EXOC2: variants seen among roughly 807,000 people sequenced by gnomAD.
The protein encoded by EXOC2 is exocyst complex component 2.
Under a neutral mutation model 131.8 loss-of-function variants are expected in EXOC2, and 70 were observed. That is an observed-to-expected ratio of 0.53 (90% CI 0.44 to 0.65). The LOEUF (loss-of-function observed/expected upper bound fraction) is 0.65, where lower values mean the gene tolerates loss of function less well. Ranked by LOEUF, EXOC2 falls within the 30% of genes least tolerant of loss-of-function variation. The pLI is 0.00. For synonymous variants in EXOC2, 411 were observed against 398.4 expected, an observed-to-expected ratio of 1.03 and a Z score of -0.38; for missense variants, 923 against 1,108.6, an observed-to-expected ratio of 0.83 and a Z score of 2.38.
intron 11 of EXOC2, among the ~76,000 whole-genome samples, chr6:590,775 T>C (rs1759497486): frequency 6.6e-6 from 1 of 152,190 alleles, no homozygotes; most frequent in Admixed American, 6.5e-5. Context: ...AAACATCACT[T>C]GTCAGGACTC....
rs894027312 is a variant in EXOC2, at chr6:651,681, A to G, written c.-43-13820T>C. Among the ~76,000 whole-genome samples, 16 of 148,682 alleles carry G rather than the reference A, an allele frequency of 1.1e-4. 1 individual carries two copies. The highest frequency in any genetic ancestry group is 3.9e-4 in the African/African-American group (16 of 40,966). ...AAAATAAATAAATAAATAAATAAAT[A>G]ATAAAAAAATAAAAAATAAAGTCTA... is the stretch of plus-strand genomic sequence containing the variant. On this transcript the variant is annotated intron_variant, in intron 1 of 27. Coordinates refer to ENST00000230449, the MANE Select transcript of EXOC2 (RefSeq NM_018303.6).
intron 10 of EXOC2, among the ~76,000 whole-genome samples, chr6:593,620 A>T (rs1232635801): frequency 2.0e-5 from 3 of 152,278 alleles, no homozygotes; most frequent in East Asian, 1.9e-4. Context: ...ATATAAATAT[A>T]GCAAGCTAAA....
At chr6:578,385 T>C (rs1758700698) in intron 11 of EXOC2, among the ~76,000 whole-genome samples, 1 of 152,108 alleles carries the variant, frequency 6.6e-6, no homozygotes, top group Non-Finnish European at 1.5e-5. Flanking sequence ...TCTCAAGATG[T>C]TTACATTCTG....
chr6:621,367 C>T (rs1761282300), intron 4 of EXOC2, among the ~76,000 whole-genome samples: 1 of 152,222 alleles, frequency 6.6e-6, no homozygotes. Context: ...CCTCTCTACA[C>T]ATCCTCTCCC....
intron 1 of EXOC2, among the ~76,000 whole-genome samples, chr6:643,609 T>A (rs921609373): frequency 2.6e-5 from 4 of 151,160 alleles, no homozygotes; most frequent in Non-Finnish European, 5.9e-5. Flanking sequence ...TTCCACCTTT[T>A]AAAAAAAAAA....
intron 22 of EXOC2, 46 bp from the exon 23 acceptor site, chr6:532,656 T>C: frequency 7.3e-7 from 1 of 1,376,868 alleles, no homozygotes; most frequent in Non-Finnish European, 9.5e-7. Flanking sequence ...TTGAGGGTGA[T>C]GGAAAAAGTA....
intron 7 of EXOC2, among the ~76,000 whole-genome samples, chr6:606,382 G>A (rs1239120073): frequency 1.3e-5 from 2 of 151,984 alleles, no homozygotes; most frequent in South Asian, 2.1e-4. Context: ...AAACCTGCAC[G>A]TTGTGCACAT....
chr6:681,458 T>C (rs1764399681), intron 1 of EXOC2, among the ~76,000 whole-genome samples: 1 of 152,114 alleles, frequency 6.6e-6, no homozygotes, highest in South Asian at 2.1e-4. Context: ...CTGTGTCTCC[T>C]TTCTCCCCCC....
chr6:539,877 C>T (rs1766703441), intron 22 of EXOC2, among the ~76,000 whole-genome samples: 1 of 152,128 alleles, frequency 6.6e-6, no homozygotes, highest in Admixed American at 6.5e-5. Context: ...GATGGCAGGA[C>T]AGGTGGCAAA....
chr6:511,142 T>C (rs2127503759), intron 23 of EXOC2, among the ~76,000 whole-genome samples: 1 of 152,358 alleles, frequency 6.6e-6, no homozygotes, highest in Middle Eastern at 3.4e-3. Flanking sequence ...GAGTGAATGC[T>C]GGGAAGGGTT....
intron 1 of EXOC2, among the ~76,000 whole-genome samples, chr6:672,284 T>A (rs1017941293): frequency 1.3e-5 from 2 of 152,226 alleles, no homozygotes; most frequent in African/African-American, 4.8e-5. Flanking sequence ...CATTCCTTCT[T>A]AAAGTTTCCA....
chr6:577,651 C>A (rs544247484), intron 11 of EXOC2, among the ~76,000 whole-genome samples: 1 of 152,268 alleles, frequency 6.6e-6, no homozygotes, highest in South Asian at 2.1e-4. Flanking sequence ...GTCTAAAACA[C>A]CACTCTTTAG....
intron 7 of EXOC2, among the ~76,000 whole-genome samples, chr6:601,269 A>G (rs1766845): frequency 0.041 from 4,895 of 120,430 alleles, 261 homozygotes; most frequent in African/African-American, 0.11. Context: ...TTCTCACACC[A>G]AGAACACCCC....
chr6:500,228 C>A (rs1240399283), intron 23 of EXOC2, among the ~76,000 whole-genome samples: 2 of 152,162 alleles, frequency 1.3e-5, no homozygotes, highest in Non-Finnish European at 2.9e-5. Flanking sequence ...AGTTATTGAG[C>A]AGAAGGACCA....
At chr6:542,596 G>A (rs887134478) in intron 22 of EXOC2, among the ~76,000 whole-genome samples, 6 of 152,162 alleles carry the variant, frequency 3.9e-5, no homozygotes, top group Non-Finnish European at 8.8e-5. Context: ...AAATAAAAAA[G>A]CTGAATGGTT....
intron 1 of EXOC2, among the ~76,000 whole-genome samples, chr6:673,252 CAAAAAAAAAAAAAAAAAAAAA>C (rs56189394): frequency 2.6e-4 from 17 of 64,280 alleles, no homozygotes; most frequent in Admixed American, 9.5e-4. Context: ...ACTCCATAGC[CAAAAAAAAAAAAAAAAAAAAA>C]AAAAAAAAAA....
Position 684,497 on chromosome 6 carries a change from A to C in EXOC2, c.-44+8522T>G, listed in dbSNP as rs74563315. On this transcript the variant is annotated intron_variant, in intron 1 of 27. Coordinates refer to ENST00000230449, the MANE Select transcript of EXOC2 (RefSeq NM_018303.6). ...AAGACAAAAGGCCACATTTTCTTAC[A>C]ATTTATACTGTACACTTAAGTAAAT... 3.7e-3 allele frequency among the ~76,000 whole-genome samples: 565 copies of C among 152,336 alleles called. 2 individuals carry two copies. The highest frequency in any genetic ancestry group is 6.1e-3 in the Non-Finnish European group (414 of 68,026).
In EXOC2 at chr6:629,030, G is replaced by A. The variant is rs933091997; in HGVS notation, c.422+805C>T. Among the ~76,000 whole-genome samples, 4 of 152,266 alleles carry A rather than the reference G, an allele frequency of 2.6e-5. No homozygotes were observed. The East Asian group carries it at 5.8e-4, about 22-fold the overall frequency. ...CAGCCAGGGGCAAACCCCAGCAGGT[G>A]AAAATGAAACTAATGATCTTCAAGA... On this transcript the variant is annotated intron_variant, in intron 4 of 27. Coordinates refer to ENST00000230449, the MANE Select transcript of EXOC2 (RefSeq NM_018303.6).
At chr6:500,528 T>C (rs950990695) in intron 23 of EXOC2, among the ~76,000 whole-genome samples, 1 of 152,202 alleles carries the variant, frequency 6.6e-6, no homozygotes, top group Non-Finnish European at 1.5e-5. Flanking sequence ...TGTCCCACCC[T>C]TGGGGGGCTG....
Sources: allele counts gnomAD v4.1 joint callset (sites outside exome capture counted in the v4.1 genomes callset), GRCh38; gene constraint gnomAD v4.1.1; transcripts MANE v1.5; gene names NCBI Gene and HGNC (gene_info 2026-07-23, HGNC 2026-07-21).